The following FAP variants were observed in gnomAD, a reference collection of about 807,000 sequenced individuals.
FAP encodes prolyl endopeptidase FAP.
A neutral mutation model predicts 126.5 loss-of-function variants in FAP; 110 were observed. That is an observed-to-expected ratio of 0.87 (90% CI 0.74 to 1.02). FAP has a LOEUF of 1.02. Ranked by LOEUF, FAP falls within the 50% of genes least tolerant of loss-of-function variation. FAP has a pLI of 0.00. For synonymous variants in FAP, 334 were observed against 297.3 expected (o/e 1.12, Z -1.27); for missense variants, 919 against 909.2 (o/e 1.01, Z -0.14).
chr2:162,204,515 T>G (rs550692326), intron 12 of FAP, among the ~76,000 whole-genome samples: 1 of 152,144 alleles, frequency 6.6e-6, no homozygotes, highest in African/African-American at 2.4e-5. Context: ...AAAGAGACAC[T>G]GAGAGATACA....
chr2:162,207,941 C>T (rs1277254121), intron 12 of FAP, among the ~76,000 whole-genome samples: 1 of 148,624 alleles, frequency 6.7e-6, no homozygotes, highest in African/African-American at 2.5e-5. Context: ...GATCTCCTGA[C>T]ACTGAGGGTG....
At chr2:162,179,806 A>AT (rs1559761562) in intron 21 of FAP, among the ~76,000 whole-genome samples, 35 of 138,846 alleles carry the variant, frequency 2.5e-4, no homozygotes, top group African/African-American at 9.1e-4. Flanking sequence ...ATATATATAT[A>AT]TATATATTTT....
At chr2:162,220,378 G>A (rs1329498977) in intron 6 of FAP, among the ~76,000 whole-genome samples, 1 of 152,198 alleles carries the variant, frequency 6.6e-6, no homozygotes, top group Admixed American at 6.5e-5. Flanking sequence ...GCACACACTA[G>A]ACTGAAATGG....
intron 2 of FAP, among the ~76,000 whole-genome samples, chr2:162,232,705 G>T (rs143047146): frequency 1.3e-5 from 2 of 152,028 alleles, no homozygotes; most frequent in African/African-American, 4.8e-5. Context: ...AGGATTTGCC[G>T]GGCTTTTAAA....
chr2:162,175,267 A>T (rs541473719), intron 21 of FAP: 91 of 173,632 alleles, frequency 5.2e-4, no homozygotes, highest in African/African-American at 1.9e-3. Context: ...GCAAAAAAAA[A>T]ATTCTCATTT....
intron 21 of FAP, among the ~76,000 whole-genome samples, chr2:162,179,808 A>ATTT (rs1288686851): frequency 1.9e-4 from 25 of 133,968 alleles, no homozygotes; most frequent in African/African-American, 6.7e-4. Flanking sequence ...ATATATATAT[A>ATTT]TATATTTTTT....
intron 16 of FAP, chr2:162,198,067 T>C: frequency 1.2e-6 from 1 of 861,880 alleles, no homozygotes; most frequent in Non-Finnish European, 1.6e-6. Flanking sequence ...GCACATAAAA[T>C]AAAATTATAT....
chr2:162,233,742 G>A (rs1689991875), intron 2 of FAP, among the ~76,000 whole-genome samples: 1 of 151,974 alleles, frequency 6.6e-6, no homozygotes, highest in African/African-American at 2.4e-5. Flanking sequence ...ATTTATGTAT[G>A]TTTTCTTTTG....
At chr2:162,206,969 T>A (rs112633656) in intron 12 of FAP, among the ~76,000 whole-genome samples, 5 of 152,310 alleles carry the variant, frequency 3.3e-5, no homozygotes, top group African/African-American at 9.6e-5. Context: ...ATTTTAAATA[T>A]CTCTGACAAA....
chr2:162,193,998 G>C (rs938372342), intron 17 of FAP: 1 of 152,150 alleles, frequency 6.6e-6, no homozygotes, highest in Admixed American at 6.6e-5. Context: ...AGCAGGAAGA[G>C]TATCAGAGCA....
chr2:162,188,448 A>G, intron 19 of FAP, 85 bp from the exon 20 acceptor site: 1 of 1,114,332 alleles, frequency 9.0e-7, no homozygotes, highest in South Asian at 1.5e-5. Flanking sequence ...GCTTCTAGTA[A>G]TTCCAGTACA....
intron 24 of FAP, 27 bp from the exon 25 acceptor site, chr2:162,172,911 G>C (rs1179674888): frequency 6.4e-7 from 1 of 1,563,308 alleles, no homozygotes; most frequent in South Asian, 1.1e-5. Context: ...GAGAGTTAAA[G>C]TGCTGCTAAA....
intron 23 of FAP, 49 bp from the exon 24 acceptor site, chr2:162,173,270 G>A: frequency 7.5e-7 from 1 of 1,340,766 alleles, no homozygotes; most frequent in South Asian, 1.2e-5. Context: ...AGTTCTAATA[G>A]AAAACTAGCT....
Position 162,203,121 on chromosome 2 carries a change from T to C in FAP, c.1072A>G (p.Ser358Gly), listed in dbSNP as rs1291857478. The change falls in exon 13 of 26, where the codon AGC (serine) becomes GGC (glycine). Residue 358 changes from serine to glycine, a missense_variant. Coordinates refer to ENST00000188790, the MANE Select transcript of FAP (RefSeq NM_004460.5). ...TTGTAGTACGAAATGGCATCATAGC[T>C]GAAAACTGGTGTTGAAACAAAGAAC... ...GGFFVSTPVF[S>G]YDAISYYKIF... is the part of the protein sequence containing the mutation. 1 of 1,612,274 alleles carries C rather than the reference T, an allele frequency of 6.2e-7. No homozygotes were observed. Among genetic ancestry groups the C allele is most frequent in the African/African-American group, 1.3e-5 (1 of 74,890 alleles).
At chr2:162,179,936 G>A (rs575444455) in intron 21 of FAP, among the ~76,000 whole-genome samples, 2 of 151,714 alleles carry the variant, frequency 1.3e-5, no homozygotes, top group Non-Finnish European at 2.9e-5. Flanking sequence ...AGCTTCCTGA[G>A]TAGCTGGGAT....
intron 12 of FAP, among the ~76,000 whole-genome samples, chr2:162,207,817 T>G (rs1688767339): frequency 1.3e-5 from 2 of 151,574 alleles, no homozygotes; most frequent in Non-Finnish European, 2.9e-5. Context: ...TTCACGCCAT[T>G]CTCTTGCCTC....
chr2:162,218,926 C>T (rs1323882337), intron 8 of FAP, 137 bp downstream of exon 8: 3 of 607,960 alleles, frequency 4.9e-6, no homozygotes, highest in East Asian at 3.2e-5. Context: ...ATGCCCTATT[C>T]GTAACCTAGA....
In FAP at chr2:162,202,037, T is replaced by C. The variant is rs568078035; in HGVS notation, c.1223+835A>G. Among the ~76,000 whole-genome samples the C allele has an allele frequency of 2.3e-4, 35 of 152,350 alleles. No homozygotes were observed. In the South Asian group the frequency reaches 7.2e-3, roughly 32 times the overall value. ...GATTCGTAATAGATTTCCGACAGGC[T>C]TTTATTCCATGAGCCTGGACTAATG... On this transcript the variant is annotated intron_variant, in intron 14 of 25. Transcript: ENST00000188790.
chr2:162,213,424 CA>C (rs372977213), intron 11 of FAP, among the ~76,000 whole-genome samples: 6,786 of 141,484 alleles, frequency 0.048, 294 homozygotes, highest in African/African-American at 0.11. Flanking sequence ...AAAAAACAAA[CA>C]AAAAAAAAAA....
Sources: allele counts gnomAD v4.1 joint callset (sites outside exome capture counted in the v4.1 genomes callset), GRCh38; gene constraint gnomAD v4.1.1; transcripts MANE v1.5; gene names NCBI Gene and HGNC (gene_info 2026-07-23, HGNC 2026-07-21).